The following RANBP1 variants were observed in gnomAD, a reference collection of about 807,000 sequenced individuals.
RANBP1 encodes RAN binding protein 1.
RANBP1 carries 16 observed loss-of-function variants against 31.4 expected under a neutral mutation model. The ratio of observed to expected loss-of-function variants is 0.51; its 90% CI spans 0.34 to 0.77. The LOEUF (loss-of-function observed/expected upper bound fraction) is 0.77. Ranked by LOEUF, RANBP1 falls within the 30% of genes least tolerant of loss-of-function variation. The pLI, the probability that RANBP1 is intolerant of heterozygous loss-of-function variation, is 0.01. For synonymous variants in RANBP1, 129 were observed against 140.5 expected, an observed-to-expected ratio of 0.92 and a Z score of 0.58; for missense variants, 265 against 362.0, an observed-to-expected ratio of 0.73 and a Z score of 2.17.
rs566931758 is a variant in RANBP1 at position 20,126,240 on chromosome 22, C to T, written c.671-63C>T. On this transcript the variant is annotated intron_variant, in intron 4 of 5. Coordinates refer to ENST00000430524, the MANE Select transcript of RANBP1 (RefSeq NM_001278639.2). ...TCTGTGAATCCTGACTCTTCAGACCCGGCAGGGCATGTCTCTTCCACTGCT... is the reference window on the plus strand; with the variant it reads ...TCTGTGAATCCTGACTCTTCAGACCTGGCAGGGCATGTCTCTTCCACTGCT... The T allele has an allele frequency of 7.8e-5, 121 of 1,554,566 alleles. 1 individual carries two copies. The highest frequency in any genetic ancestry group is 2.3e-4 in the Middle Eastern group (1 of 4,286).
At chr22:20,117,567 G>T in intron 1 of RANBP1, 1 of 1,412,624 alleles carries the variant, frequency 7.1e-7, no homozygotes, top group South Asian at 1.4e-5. Flanking sequence ...AGACGCGGAG[G>T]GAAGGAGCTA....
chr22:20,125,946 A>C (rs1014395109), intron 4 of RANBP1, among the ~76,000 whole-genome samples: 1 of 152,258 alleles, frequency 6.6e-6, no homozygotes, highest in Admixed American at 6.5e-5. Context: ...TGGAGGAGTC[A>C]GTGGGTACTG....
chr22:20,116,581 T>C, intron 1 of RANBP1, 151 bp downstream of exon 1: 1 of 1,563,382 alleles, frequency 6.4e-7, no homozygotes, highest in East Asian at 2.2e-5. Context: ...ACTGCTGCTC[T>C]CCTGGCCACA....
intron 4 of RANBP1, 71 bp from the exon 5 acceptor site, chr22:20,126,232 T>A: frequency 6.5e-7 from 1 of 1,542,804 alleles, no homozygotes; most frequent in Non-Finnish European, 8.8e-7. Context: ...ATCCTGACTC[T>A]TCAGACCCGG....
At chr22:20,116,542 G>C (rs1213702964) in intron 1 of RANBP1, 112 bp downstream of exon 1, 2 of 1,600,190 alleles carry the variant, frequency 1.2e-6, no homozygotes, top group South Asian at 2.2e-5. Context: ...GGCTGCAGGG[G>C]GCACCGAGAC....
At chr22:20,125,989 C>G (rs1160167332) in intron 4 of RANBP1, among the ~76,000 whole-genome samples, 1 of 152,264 alleles carries the variant, frequency 6.6e-6, no homozygotes, top group Non-Finnish European at 1.5e-5. Flanking sequence ...CCGTTTGGTG[C>G]CAAGTGACCT....
At position 20,119,300 on chromosome 22, in the gene RANBP1, C is replaced by T; in HGVS notation, c.383+151C>T. On this transcript the variant is annotated intron_variant, in intron 2 of 5. Transcript: ENST00000430524. Reference sequence around the variant, plus strand: ...TGACTAATCCCATGTGGAAATTTAACCCGTTCCTTTCATGAATCTTCACCA... The same window carrying T: ...TGACTAATCCCATGTGGAAATTTAATCCGTTCCTTTCATGAATCTTCACCA... 1.4e-5 allele frequency: 10 copies of T among 724,090 alleles called. No homozygotes were observed. In the East Asian group the frequency reaches 2.7e-4, roughly 19 times the overall value. The allele number at this position is 724,090 out of a possible 1,614,324, so 44.9% of individuals were successfully genotyped here.
At chr22:20,117,616 G>T in intron 1 of RANBP1, 11 of 1,142,082 alleles carry the variant, frequency 9.6e-6, no homozygotes, top group South Asian at 4.0e-5. Context: ...AGCGACGACC[G>T]ACCCAGCCGA....
intron 1 of RANBP1, among the ~76,000 whole-genome samples, chr22:20,118,746 CTG>C (rs1175580635): frequency 6.6e-6 from 1 of 152,226 alleles, no homozygotes; most frequent in Non-Finnish European, 1.5e-5. Context: ...CCCCATCAGT[CTG>C]TGCACAGATC....
rs767492059 is a variant in RANBP1, at chr22:20,122,252, C to G, written c.384-12C>G. ...CAGGTCTGCACTCTTAACCTCACGG[C>G]TTTTCTTGCAGGCGGGCAAAACTGT... On this transcript the variant is annotated splice_polypyrimidine_tract_variant and intron_variant, in intron 2 of 5. Transcript: ENST00000430524. 6.2e-7 allele frequency: 1 copy of G among 1,611,860 alleles called. No homozygotes were observed. Among genetic ancestry groups the G allele is most frequent in the South Asian group, 1.1e-5 (1 of 91,000 alleles).
At chr22:20,119,351 T>C in intron 2 of RANBP1, 2 of 577,470 alleles carry the variant, frequency 3.5e-6, no homozygotes, top group Non-Finnish European at 6.1e-6. Flanking sequence ...CTGCAGCCAG[T>C]TGCATGAAGG....
At chr22:20,122,770 GGGGGGT>G in intron 3 of RANBP1, 1 of 436,692 alleles carries the variant, frequency 2.3e-6, no homozygotes, top group Non-Finnish European at 2.8e-6. Context: ...TGTGGTGTCT[GGGGGGT>G]GGGGGTTGGT....
intron 1 of RANBP1, chr22:20,117,776 C>G: frequency 9.5e-7 from 1 of 1,057,000 alleles, no homozygotes; most frequent in African/African-American, 1.7e-5. Flanking sequence ...CCTGCAGGCT[C>G]GGCCGTCTGC....
intron 4 of RANBP1, 45 bp from the exon 5 acceptor site, chr22:20,126,258 C>T: frequency 6.3e-7 from 1 of 1,591,154 alleles, no homozygotes; most frequent in African/African-American, 1.3e-5. Flanking sequence ...CATGTCTCTT[C>T]CACTGCTCAC....
intron 2 of RANBP1, among the ~76,000 whole-genome samples, chr22:20,120,499 G>T (rs1367974575): frequency 6.6e-6 from 1 of 152,246 alleles, no homozygotes; most frequent in African/African-American, 2.4e-5. Flanking sequence ...GGGGCATCCT[G>T]TTGGGGAACC....
intron 3 of RANBP1, chr22:20,122,743 G>GTA: frequency 9.5e-7 from 1 of 1,048,588 alleles, no homozygotes; most frequent in Non-Finnish European, 1.2e-6. Context: ...GTGTGTGTGT[G>GTA]TGTGTGTGTG....
intron 3 of RANBP1, chr22:20,122,720 G>C: frequency 9.9e-7 from 1 of 1,005,514 alleles, no homozygotes; most frequent in Non-Finnish European, 1.3e-6. Flanking sequence ...GGGCGAGGGG[G>C]TGCTGTGTGT....
chr22:20,122,684 G>GC, intron 3 of RANBP1: 1 of 1,438,914 alleles, frequency 6.9e-7, no homozygotes, highest in Non-Finnish European at 9.3e-7. Flanking sequence ...CCCAGGCTGG[G>GC]CTCGGGACGA....
chr22:20,121,218 G>T (rs569331646), intron 2 of RANBP1, among the ~76,000 whole-genome samples: 11 of 151,924 alleles, frequency 7.2e-5, no homozygotes, highest in Admixed American at 4.6e-4. Context: ...CTCCCAAAGT[G>T]CTGGAATTAC....
Sources: gnomAD v4.1 joint callset for allele counts (sites outside exome capture counted in the v4.1 genomes callset) on GRCh38, gnomAD v4.1.1 for gene constraint, MANE v1.5 for transcripts, NCBI Gene and HGNC (gene_info 2026-07-23, HGNC 2026-07-21) for gene names.